PCDHGA3: variants seen among roughly 807,000 people sequenced by gnomAD.
PCDHGA3 encodes the protein protocadherin gamma-A3.
PCDHGA3 carries 40 observed loss-of-function variants against 58.5 expected under a neutral mutation model. That is an observed-to-expected ratio of 0.68 (90% CI 0.53 to 0.89). The LOEUF is 0.89. Among genes scored for constraint, PCDHGA3 ranks in the 40% least tolerant of loss-of-function variants. PCDHGA3 has a pLI of 0.00. For missense variants in PCDHGA3, 1,223 were observed against 1,195.9 expected (o/e 1.02, Z -0.33); for synonymous variants, 530 against 525.7 (o/e 1.01, Z -0.11).
At chr5:141,483,743 C>G (rs1360515518) in intron 1 of PCDHGA3, among the ~76,000 whole-genome samples, 2 of 152,022 alleles carry the variant, frequency 1.3e-5, no homozygotes, top group Non-Finnish European at 2.9e-5. Context: ...AAAGGATATT[C>G]CTGAGGATCG....
rs1216474158 is a variant in PCDHGA3, at chr5:141,345,408, G to T, written c.1375G>T (p.Ala459Ser). 6.2e-7 allele frequency: 1 copy of T among 1,613,800 alleles called. No individual in the cohort carries two copies. Among genetic ancestry groups the T allele is most frequent in the African/African-American group, 1.3e-5 (1 of 74,862 alleles). ...CACCTTCCCTCATTTATCCTACTCC[G>T]CCTACATTCCAGAAAACAACCCCAG... ...PPTFPHLSYS[A>S]YIPENNPRGA... The change falls in exon 1 of 4, where the codon GCC becomes TCC. Residue 459 changes from alanine to serine, a missense_variant. Ala to Ser is a moderately conservative substitution (Grantham distance 99). Around this residue, in one of 3 missense-constraint regions of PCDHGA3, gnomAD observed 791 missense variants for 708.5 expected, o/e 1.12. Transcript: ENST00000253812.
chr5:141,407,959 G>T, intron 1 of PCDHGA3: 1 of 668,062 alleles, frequency 1.5e-6, no homozygotes, highest in South Asian at 2.3e-5. Flanking sequence ...CCAGTGCAGA[G>T]CAAGCGCTGA....
rs1759889297 is a variant in PCDHGA3 at position 141,355,529 on chromosome 5, T to C, written c.2424+9072T>C. ...TGTGTGACAAACCTGGAGATTCTTC[T>C]AGAAGATACAGTGAAGATTTTGCGG... On this transcript the variant is annotated intron_variant, in intron 1 of 3. Coordinates refer to ENST00000253812, the MANE Select transcript of PCDHGA3 (RefSeq NM_018916.4). 5 of 1,614,052 alleles carry C rather than the reference T, an allele frequency of 3.1e-6. No individual in the cohort carries two copies. The South Asian group carries it at 4.4e-5, about 14-fold the overall frequency.
chr5:141,387,923 G>T lies in PCDHGA3; in HGVS notation c.2424+41466G>T, dbSNP rs2091157364. The T allele has an allele frequency of 2.7e-6, 4 of 1,475,394 alleles. No individual in the cohort carries two copies. In the Admixed American group the frequency reaches 1.1e-4, roughly 39 times the overall value. 91.4% of individuals were successfully genotyped at this position (1,475,394 alleles called of 1,614,324 possible). On this transcript the variant is annotated intron_variant, in intron 1 of 3. Coordinates refer to ENST00000253812, the MANE Select transcript of PCDHGA3 (RefSeq NM_018916.4). ...CCGGGGAGCTGGGCCGGGCTGAGAG[G>T]CTGCCAGTGCTCTTTCTCTTCCTGC...
chr5:141,414,556 T>G, intron 1 of PCDHGA3: 2 of 1,613,990 alleles, frequency 1.2e-6, no homozygotes, highest in Non-Finnish European at 1.7e-6. Flanking sequence ...TCAAGTCTCC[T>G]ACTTTACCTA....
chr5:141,421,400 G>A (rs2096569762), intron 1 of PCDHGA3: 1 of 1,614,060 alleles, frequency 6.2e-7, no homozygotes, highest in Non-Finnish European at 8.5e-7. Context: ...CTGGAGCCCC[G>A]GGAGCTGGCG....
intron 1 of PCDHGA3, chr5:141,376,616 G>C: frequency 7.1e-7 from 1 of 1,413,872 alleles, no homozygotes; most frequent in Non-Finnish European, 9.6e-7. Flanking sequence ...AACCTCTTTT[G>C]GTACAGGAAG....
chr5:141,438,955 C>T (rs965336489), intron 1 of PCDHGA3, among the ~76,000 whole-genome samples: 3 of 151,926 alleles, frequency 2.0e-5, no homozygotes, highest in Non-Finnish European at 4.4e-5. Flanking sequence ...CATGAGCCAC[C>T]GCACCCTGCC....
At chr5:141,351,426 A>C (rs1195735664) in intron 1 of PCDHGA3, 2 of 1,611,328 alleles carry the variant, frequency 1.2e-6, no homozygotes, top group Admixed American at 3.4e-5. Context: ...GTTCCTTTCA[A>C]ATTAGAATCC....
At chr5:141,409,747 C>A in intron 1 of PCDHGA3, 3 of 1,612,994 alleles carry the variant, frequency 1.9e-6, no homozygotes, top group South Asian at 1.1e-5. Flanking sequence ...GGGTGGTGTT[C>A]GCGCAGCGCG....
chr5:141,421,348 G>C lies in PCDHGA3; in HGVS notation c.2425-73459G>C, dbSNP rs202220769. On this transcript the variant is annotated intron_variant, in intron 1 of 3. Coordinates refer to ENST00000253812, the MANE Select transcript of PCDHGA3 (RefSeq NM_018916.4). ...CCGATATTCGGTGCCAGAAGAGACC[G>C]AAAAGGGCTCCTTCGTGGGCAATAT... 9.1e-5 allele frequency: 147 copies of C among 1,613,862 alleles called. No individual in the cohort carries two copies. Among genetic ancestry groups the C allele is most frequent in the Non-Finnish European group, 1.1e-4 (125 of 1,179,904 alleles).
At position 141,344,673 on chromosome 5, in the gene PCDHGA3, G is replaced by T; in HGVS notation, c.640G>T (p.Ala214Ser). The change falls in exon 1 of 4, where the codon GCC becomes TCC. Residue 214 changes from alanine to serine, a missense_variant. Ala to Ser is a moderately conservative substitution (Grantham distance 99, BLOSUM62 1). Transcript: ENST00000253812. ...KKEIHQLVLVASDGGDPVHSG... is the reference protein window; with the variant it reads ...KKEIHQLVLVSSDGGDPVHSG... The stretch of plus-strand genomic sequence containing the variant: ...AGAAATTCACCAGCTTGTCCTGGTT[G>T]CCTCTGATGGTGGCGACCCTGTCCA... 5 of 1,613,990 alleles carry T rather than the reference G, an allele frequency of 3.1e-6. No homozygotes were observed. Among genetic ancestry groups the T allele is most frequent in the Non-Finnish European group, 3.4e-6 (4 of 1,179,898 alleles).
In PCDHGA3 at chr5:141,360,143, C is replaced by T. The variant is rs763145950; in HGVS notation, c.2424+13686C>T. 5 of 1,594,764 alleles carry T rather than the reference C, an allele frequency of 3.1e-6. No homozygotes were observed. In the African/African-American group the frequency reaches 5.4e-5, roughly 17 times the overall value. On this transcript the variant is annotated intron_variant, in intron 1 of 3. Transcript: ENST00000253812. ...AGCAAAGGGAGCCAGAAGATGAAAG[C>T]GAGCTCAGGGAGGTGCGGGCTGGTG...
chr5:141,492,230 C>T (rs1286145654), intron 1 of PCDHGA3, among the ~76,000 whole-genome samples: 1 of 152,196 alleles, frequency 6.6e-6, no homozygotes. Flanking sequence ...CGTGTCCTCC[C>T]TGCTGGCCAC....
chr5:141,355,404 C>T (rs751163192), intron 1 of PCDHGA3: 36 of 1,613,970 alleles, frequency 2.2e-5, no homozygotes, highest in Middle Eastern at 1.6e-4. Context: ...GCATCGTCTC[C>T]AGAGGTAGGA....
intron 1 of PCDHGA3, among the ~76,000 whole-genome samples, chr5:141,460,912 G>GTGTATATATA (rs145509489): frequency 6.7e-6 from 1 of 149,236 alleles, no homozygotes; most frequent in Non-Finnish European, 1.5e-5. Flanking sequence ...ATTCCATGGT[G>GTGTATATATA]TATATATATA....
chr5:141,347,437 G>A (rs1409746738), intron 1 of PCDHGA3, among the ~76,000 whole-genome samples: 1 of 152,052 alleles, frequency 6.6e-6, no homozygotes, highest in Non-Finnish European at 1.5e-5. Flanking sequence ...TTAGAGGCAT[G>A]AGCCACCATG....
chr5:141,372,239 G>A lies in PCDHGA3; in HGVS notation c.2424+25782G>A, dbSNP rs771921907. The A allele has an allele frequency of 2.5e-6, 4 of 1,613,314 alleles. No homozygotes were observed. The Admixed American group carries it at 6.7e-5, about 27-fold the overall frequency. ...ACATTGTGCAGGCCAGCGAGCCCGGGCTGTTCAGCCTGGGCCTGCGCACGG... is the reference window on the plus strand; with the variant it reads ...ACATTGTGCAGGCCAGCGAGCCCGGACTGTTCAGCCTGGGCCTGCGCACGG... On this transcript the variant is annotated intron_variant, in intron 1 of 3. Coordinates refer to ENST00000253812, the MANE Select transcript of PCDHGA3 (RefSeq NM_018916.4).
At chr5:141,373,732 C>T (rs969264007) in intron 1 of PCDHGA3, among the ~76,000 whole-genome samples, 1 of 152,174 alleles carries the variant, frequency 6.6e-6, no homozygotes, top group African/African-American at 2.4e-5. Flanking sequence ...CTTCTAAATG[C>T]TTCATTATCT....
Sources: allele counts gnomAD v4.1 joint callset (sites outside exome capture counted in the v4.1 genomes callset), GRCh38; gene constraint gnomAD v4.1.1; regional missense constraint gnomAD v4.1.1; transcripts MANE v1.5; gene names NCBI Gene and HGNC (gene_info 2026-07-23, HGNC 2026-07-21).